COL26A1: variants seen among roughly 807,000 people sequenced by gnomAD.
The protein encoded by COL26A1 is collagen type XXVI alpha 1 chain.
In COL26A1, 41 loss-of-function variants were observed where a neutral mutation model predicts 59.3. The observed-to-expected ratio is 0.69, with a 90% CI of 0.54 to 0.90. COL26A1 has a LOEUF of 0.90. Ranked by LOEUF, COL26A1 falls within the 40% of genes least tolerant of loss-of-function variation. The pLI, the probability that COL26A1 is intolerant of heterozygous loss-of-function variation, is 0.00. For missense variants in COL26A1, 612 were observed against 602.3 expected, an observed-to-expected ratio of 1.02 and a Z score of -0.17; for synonymous variants, 266 against 256.0, an observed-to-expected ratio of 1.04 and a Z score of -0.37.
In COL26A1 at chr7:101,494,352, C is replaced by T. The variant is rs187938671; in HGVS notation, c.386-38730C>T. On this transcript the variant is annotated intron_variant, in intron 3 of 12. Coordinates refer to ENST00000313669, the MANE Select transcript of COL26A1 (RefSeq NM_001278563.3). Reference sequence around the variant, plus strand: ...ATGTTGACCAGGCTGGTCTCGAACTCCTGACCTCAAGTGATCTGCTGGCCA... The same window carrying T: ...ATGTTGACCAGGCTGGTCTCGAACTTCTGACCTCAAGTGATCTGCTGGCCA... Among the ~76,000 whole-genome samples, 34 of 152,268 alleles carry T rather than the reference C, an allele frequency of 2.2e-4. 1 individual carries two copies. In the Middle Eastern group the frequency reaches 0.01, roughly 46 times the overall value.
At chr7:101,524,979 A>G (rs1795210706) in intron 3 of COL26A1, among the ~76,000 whole-genome samples, 1 of 152,122 alleles carries the variant, frequency 6.6e-6, no homozygotes, top group African/African-American at 2.4e-5. Context: ...TTATAGACAG[A>G]CTTTGTCCAT....
chr7:101,468,301 CAA>C lies in COL26A1; in HGVS notation c.385+20526_385+20527del, dbSNP rs35048256. 2.4e-3 allele frequency among the ~76,000 whole-genome samples: 335 copies of C among 136,762 alleles called. 1 individual carries two copies. Among genetic ancestry groups the C allele is most frequent in the African/African-American group, 8.5e-3 (317 of 37,478 alleles). The allele number at this position is 136,762 out of a possible 152,430, so 89.7% of individuals were successfully genotyped here. A position where few individuals can be genotyped will look rare whatever the true frequency, so the allele number is the denominator to read the frequency against. ...TGGGCAACAGAGCAAGACTCAGTCT[CAA>C]AAAAAAAAAAATAAAAGAAATTATT... On this transcript the variant is annotated intron_variant, in intron 3 of 12. Transcript: ENST00000313669.
In COL26A1 at chr7:101,419,866, G is replaced by A. The variant is rs114070900; in HGVS notation, c.159-111G>A. 374 of 1,134,182 alleles carry A rather than the reference G, an allele frequency of 3.3e-4. No individual in the cohort carries two copies. The African/African-American group carries it at 5.1e-3, about 15-fold the overall frequency. 70.3% of individuals were successfully genotyped at this position (1,134,182 alleles called of 1,614,324 possible). On this transcript the variant is annotated intron_variant, in intron 1 of 12. Coordinates refer to ENST00000313669, the MANE Select transcript of COL26A1 (RefSeq NM_001278563.3). ...GTGGGCCCCCCATCCAAGAGAGCGA[G>A]CCTCCACCCCAGGTTTGCGGGGGCC... is the stretch of plus-strand genomic sequence containing the variant.
intron 3 of COL26A1, among the ~76,000 whole-genome samples, chr7:101,472,892 C>T (rs1277122108): frequency 1.3e-5 from 2 of 151,628 alleles, no homozygotes; most frequent in African/African-American, 2.4e-5. Flanking sequence ...GCATTGCCTG[C>T]GTTTCCCCGA....
intron 3 of COL26A1, among the ~76,000 whole-genome samples, chr7:101,528,585 T>C (rs2130629285): frequency 6.6e-6 from 1 of 151,830 alleles, no homozygotes; most frequent in South Asian, 2.1e-4. Flanking sequence ...TCTGGCTCTG[T>C]TGCCCAAACT....
chr7:101,461,256 G>A (rs2130426181), intron 3 of COL26A1, among the ~76,000 whole-genome samples: 1 of 152,022 alleles, frequency 6.6e-6, no homozygotes, highest in Non-Finnish European at 1.5e-5. Context: ...CTTCCAAAGT[G>A]CTGGGATCAC....
intron 1 of COL26A1, among the ~76,000 whole-genome samples, chr7:101,394,514 C>T (rs1584368730): frequency 6.6e-6 from 1 of 152,142 alleles, no homozygotes; most frequent in African/African-American, 2.4e-5. Context: ...TTAAGCAATC[C>T]TCCTGCCTCA....
intron 3 of COL26A1, among the ~76,000 whole-genome samples, chr7:101,500,111 T>G (rs1385089410): frequency 6.6e-6 from 1 of 152,206 alleles, no homozygotes; most frequent in African/African-American, 2.4e-5. Context: ...CTGCCCCTTC[T>G]GCATTTGGGG....
At chr7:101,475,754 TTTTCTTTCTTTCTC>T (rs1337077578) in intron 3 of COL26A1, among the ~76,000 whole-genome samples, 3,211 of 142,568 alleles carry the variant, frequency 0.023, 52 homozygotes, top group Non-Finnish European at 0.035. Flanking sequence ...CTTCCTTCCT[TTTTCTTTCTTTCTC>T]TTTCTTTCTT....
chr7:101,557,411 G>C lies in COL26A1; in HGVS notation c.1207G>C (p.Ala403Pro). 6.2e-7 allele frequency: 1 copy of C among 1,613,756 alleles called. No individual in the cohort carries two copies. Among genetic ancestry groups the C allele is most frequent in the Non-Finnish European group, 8.5e-7 (1 of 1,179,736 alleles). ...AGAGGGAGGTTCTGGCCAGGATGCT[G>C]CCCTGAGAGCCAACCTCAAGATGAA... is the stretch of plus-strand genomic sequence containing the variant. ...SPEGGSGQDAALRANLKMKRG... is the reference protein window; with the variant it reads ...SPEGGSGQDAPLRANLKMKRG... Residue 403 changes from alanine (A) to proline (P), a missense_variant, in exon 13 of 13, where the codon GCC becomes CCC. Coordinates refer to ENST00000313669, the MANE Select transcript of COL26A1 (RefSeq NM_001278563.3).
At chr7:101,484,998 T>C (rs1794238110) in intron 3 of COL26A1, among the ~76,000 whole-genome samples, 1 of 152,108 alleles carries the variant, frequency 6.6e-6, no homozygotes, top group Admixed American at 6.5e-5. Context: ...ATTACAGGCA[T>C]GCGCCACCAA....
chr7:101,398,798 G>A (rs867424244), intron 1 of COL26A1, among the ~76,000 whole-genome samples: 59 of 152,050 alleles, frequency 3.9e-4, no homozygotes, highest in African/African-American at 1.4e-3. Flanking sequence ...TTGCTGAGTC[G>A]AAGCCCTTCA....
chr7:101,488,196 G>A (rs567910269), intron 3 of COL26A1, among the ~76,000 whole-genome samples: 83 of 150,530 alleles, frequency 5.5e-4, no homozygotes, highest in Non-Finnish European at 1.0e-3. Flanking sequence ...CACAAGAATC[G>A]CTTGAACCCT....
intron 2 of COL26A1, among the ~76,000 whole-genome samples, chr7:101,426,885 GCT>G (rs1260991878): frequency 6.6e-6 from 1 of 152,140 alleles, no homozygotes; most frequent in Admixed American, 6.5e-5. Context: ...CTTGCATTCC[GCT>G]CTCTGAGGTT....
At chr7:101,363,226 G>C in intron 1 of COL26A1, 36 bp downstream of exon 1, 1 of 1,224,408 alleles carries the variant, frequency 8.2e-7, no homozygotes, top group Non-Finnish European at 1.1e-6. Context: ...GGGGGGTGGG[G>C]GGAGGGAGCG....
intron 3 of COL26A1, among the ~76,000 whole-genome samples, chr7:101,506,117 T>C (rs969202344): frequency 6.6e-6 from 1 of 152,232 alleles, no homozygotes; most frequent in African/African-American, 2.4e-5. Context: ...GAATGGACTC[T>C]GGGTGAAATC....
chr7:101,533,287 C>G (rs1460158384), intron 4 of COL26A1, 144 bp downstream of exon 4: 1 of 666,960 alleles, frequency 1.5e-6, no homozygotes, highest in East Asian at 2.7e-5. Context: ...GTCCCAGGTA[C>G]TGGGTACTGT....
chr7:101,519,339 C>T (rs574990291), intron 3 of COL26A1, among the ~76,000 whole-genome samples: 17 of 152,212 alleles, frequency 1.1e-4, no homozygotes, highest in Non-Finnish European at 1.2e-4. Flanking sequence ...GAGACAGGGT[C>T]TCGCTCTGTG....
At position 101,523,957 on chromosome 7, in the gene COL26A1, T is replaced by A. The variant is rs576983884; in HGVS notation, c.386-9125T>A. 2.6e-3 allele frequency among the ~76,000 whole-genome samples: 399 copies of A among 152,072 alleles called. 2 individuals carry two copies. Among genetic ancestry groups the A allele is most frequent in the African/African-American group, 9.2e-3 (383 of 41,514 alleles). ...ATCAACTGGAAGAATTTATATATATTTATTTATTTATTTTCAAAAACAACA... is the reference window on the plus strand; with the variant it reads ...ATCAACTGGAAGAATTTATATATATATATTTATTTATTTTCAAAAACAACA... On this transcript the variant is annotated intron_variant, in intron 3 of 12. Coordinates refer to ENST00000313669, the MANE Select transcript of COL26A1 (RefSeq NM_001278563.3).
Sources: allele counts gnomAD v4.1 joint callset (sites outside exome capture counted in the v4.1 genomes callset), GRCh38; gene constraint gnomAD v4.1.1; transcripts MANE v1.5; gene names NCBI Gene and HGNC (gene_info 2026-07-23, HGNC 2026-07-21).